Variants in MAP4K5 observed in about 807,000 individuals in gnomAD.
MAP4K5 encodes MAPK/ERK kinase kinase kinase 5.
MAP4K5 carries 82 observed loss-of-function variants against 135.6 expected under a neutral mutation model. That is an observed-to-expected ratio of 0.60 (90% CI 0.51 to 0.73). The LOEUF is 0.73. Ranked by LOEUF, MAP4K5 falls within the 30% of genes least tolerant of loss-of-function variation. The pLI, the probability that MAP4K5 is intolerant of heterozygous loss-of-function variation, is 0.00. For synonymous variants in MAP4K5, 347 were observed against 335.0 expected (o/e 1.04, Z -0.39); for missense variants, 907 against 1,010.9 (o/e 0.90, Z 1.39).
At chr14:50,448,462 CAG>C (rs2036407885) in intron 15 of MAP4K5, among the ~76,000 whole-genome samples, 1 of 150,260 alleles carries the variant, frequency 6.7e-6, no homozygotes, top group African/African-American at 2.4e-5. Flanking sequence ...ATAAAACAAA[CAG>C]AATCAGTTAA....
In MAP4K5 at chr14:50,443,785, A is replaced by C. The variant is rs777659794; in HGVS notation, c.1438-15T>G. 28 of 1,594,280 alleles carry C rather than the reference A, an allele frequency of 1.8e-5. No individual in the cohort carries two copies. Among genetic ancestry groups the C allele is most frequent in the Non-Finnish European group, 1.7e-6 (2 of 1,173,332 alleles). ...ATGGCTGGTTTCTATGGGAAAAATA[A>C]AATTTACTAGTGTAAGACCTCCTAA... On this transcript the variant is annotated splice_polypyrimidine_tract_variant and intron_variant, in intron 19 of 32. Coordinates refer to ENST00000682126, the MANE Select transcript of MAP4K5 (RefSeq NM_006575.6).
chr14:50,516,706 A>AT (rs2038040925), intron 2 of MAP4K5, among the ~76,000 whole-genome samples: 1 of 152,174 alleles, frequency 6.6e-6, no homozygotes, highest in African/African-American at 2.4e-5. Context: ...TAATACATTC[A>AT]TTTTTAGTAT....
chr14:50,484,422 CT>C (rs2037319702), intron 5 of MAP4K5, among the ~76,000 whole-genome samples: 1 of 152,090 alleles, frequency 6.6e-6, no homozygotes. Flanking sequence ...AAGTTTACTT[CT>C]GAGCTTTGCT....
intron 31 of MAP4K5, among the ~76,000 whole-genome samples, chr14:50,423,722 T>C (rs1195263467): frequency 2.6e-5 from 4 of 152,134 alleles, no homozygotes; most frequent in Non-Finnish European, 5.9e-5. Flanking sequence ...TGAACTATGA[T>C]TGCACCACTG....
chr14:50,439,282 T>C (rs2036169742), intron 23 of MAP4K5, among the ~76,000 whole-genome samples: 1 of 149,058 alleles, frequency 6.7e-6, no homozygotes, highest in East Asian at 2.0e-4. Flanking sequence ...AACTTCTTGG[T>C]AGTCATTTAA....
At chr14:50,439,170 A>C (rs2036166909) in intron 23 of MAP4K5, among the ~76,000 whole-genome samples, 1 of 151,902 alleles carries the variant, frequency 6.6e-6, no homozygotes, top group Non-Finnish European at 1.5e-5. Context: ...CTCCATAAAC[A>C]GTGTTATTAG....
At chr14:50,531,001 A>G (rs1035689254) in intron 2 of MAP4K5, among the ~76,000 whole-genome samples, 2 of 152,356 alleles carry the variant, frequency 1.3e-5, no homozygotes, top group Admixed American at 1.3e-4. Context: ...GTTGTTTGGC[A>G]CAATGCGATA....
chr14:50,465,127 C>T (rs1353042837), intron 11 of MAP4K5, among the ~76,000 whole-genome samples: 2 of 152,180 alleles, frequency 1.3e-5, no homozygotes, highest in Admixed American at 6.5e-5. Flanking sequence ...TCTTTCCTGT[C>T]ATCATCCCCA....
In MAP4K5 at chr14:50,479,186, C is replaced by CTT. The variant is rs34038301; in HGVS notation, c.379-2882_379-2881dup. On this transcript the variant is annotated intron_variant, in intron 6 of 32. Transcript: ENST00000682126. ...TTCTCTTTGTCTCTTCATTCTCTCT[C>CTT]TTTTTTTTTTTCTCATTTTTGTCCC... Among the ~76,000 whole-genome samples, 136 of 142,518 alleles carry CTT rather than the reference C, an allele frequency of 9.5e-4. 2 individuals carry two copies. The highest frequency in any genetic ancestry group is 4.4e-3 in the East Asian group (22 of 4,970). The allele number at this position is 142,518 out of a possible 152,430, so 93.5% of individuals were successfully genotyped here. A position where few individuals can be genotyped will look rare whatever the true frequency, so the allele number is the denominator to read the frequency against.
At chr14:50,483,490 G>T (rs1233334874) in intron 5 of MAP4K5, among the ~76,000 whole-genome samples, 4 of 151,612 alleles carry the variant, frequency 2.6e-5, no homozygotes, top group Non-Finnish European at 5.9e-5. Context: ...ATAAATTTTT[G>T]ATTCTTAGTA....
In MAP4K5 at chr14:50,429,084, G is replaced by A. The variant is rs995429683; in HGVS notation, c.2233+108C>T. On this transcript the variant is annotated intron_variant, in intron 29 of 32. Transcript: ENST00000682126. ...TTCGCTTACAAATTACACATGATAA[G>A]TAACATTTTTAGTAAAAACAGTAAA... 1.3e-4 allele frequency: 90 copies of A among 703,908 alleles called. No homozygotes were observed. In the African/African-American group the frequency reaches 1.6e-3, roughly 12 times the overall value. 43.6% of individuals were successfully genotyped at this position (703,908 alleles called of 1,614,324 possible).
At chr14:50,466,682 A>G (rs1439334709) in intron 10 of MAP4K5, 37 bp from the exon 11 acceptor site, 1 of 863,232 alleles carries the variant, frequency 1.2e-6, no homozygotes, top group East Asian at 2.7e-5. Flanking sequence ...CAATATCAAA[A>G]TTACTACATC....
intron 2 of MAP4K5, among the ~76,000 whole-genome samples, chr14:50,515,899 A>G (rs2038024634): frequency 6.6e-6 from 1 of 152,194 alleles, no homozygotes; most frequent in Admixed American, 6.5e-5. Context: ...ATCCATGGAA[A>G]CCTGACAGGC....
At chr14:50,451,103 T>A (rs1336470494) in intron 14 of MAP4K5, among the ~76,000 whole-genome samples, 1 of 152,172 alleles carries the variant, frequency 6.6e-6, no homozygotes, top group East Asian at 1.9e-4. Flanking sequence ...TATGGATGTG[T>A]GTGTATATAC....
chr14:50,530,624 T>C (rs112479920), intron 2 of MAP4K5, among the ~76,000 whole-genome samples: 1,566 of 152,294 alleles, frequency 0.01, 12 homozygotes, highest in Non-Finnish European at 0.016. Flanking sequence ...CTACCTCTAA[T>C]TTTACATAAA....
chr14:50,431,244 TTTTA>T (rs531576219), intron 28 of MAP4K5, among the ~76,000 whole-genome samples: 185 of 152,224 alleles, frequency 1.2e-3, no homozygotes, highest in Middle Eastern at 0.01. Context: ...GTTTTATCTT[TTTTA>T]TTTATTTATT....
chr14:50,528,676 G>A (rs2038320336), intron 2 of MAP4K5, among the ~76,000 whole-genome samples: 2 of 152,102 alleles, frequency 1.3e-5, no homozygotes, highest in South Asian at 4.1e-4. Context: ...TGAGCTGATC[G>A]TGCCACTGGA....
intron 2 of MAP4K5, among the ~76,000 whole-genome samples, chr14:50,509,316 A>T (rs989641728): frequency 6.6e-6 from 1 of 152,172 alleles, no homozygotes; most frequent in Non-Finnish European, 1.5e-5. Flanking sequence ...CCTTTTCAGA[A>T]TTCGAGAATT....
At chr14:50,532,613 GC>G (rs2038427723), upstream of MAP4K5, 1 of 152,896 alleles carries the variant, frequency 6.5e-6, no homozygotes, top group Admixed American at 6.6e-5. Context: ...CCCACCCGGG[GC>G]TGCGTCACCG....
Sources: gnomAD v4.1 joint callset for allele counts (sites outside exome capture counted in the v4.1 genomes callset) on GRCh38, gnomAD v4.1.1 for gene constraint, MANE v1.5 for transcripts, NCBI Gene and HGNC (gene_info 2026-07-23, HGNC 2026-07-21) for gene names.